CCBE1: variants seen among roughly 807,000 people sequenced by gnomAD.
CCBE1 encodes collagen and calcium binding EGF domains 1, also known as collagen and calcium-binding EGF domain-containing protein 1.
A neutral mutation model predicts 50.0 loss-of-function variants in CCBE1; 37 were observed. The observed-to-expected ratio is 0.74, with a 90% CI of 0.57 to 0.97. The LOEUF (loss-of-function observed/expected upper bound fraction) is 0.97, where lower values mean the gene tolerates loss of function less well. Ranked by LOEUF, CCBE1 falls within the 50% of genes least tolerant of loss-of-function variation. The pLI is 0.00. For synonymous variants in CCBE1, 234 were observed against 203.7 expected (o/e 1.15, Z -1.27); for missense variants, 538 against 523.8 (o/e 1.03, Z -0.26).
chr18:59,645,051 C>T (rs551164488), intron 2 of CCBE1, among the ~76,000 whole-genome samples: 36 of 152,214 alleles, frequency 2.4e-4, no homozygotes, highest in Admixed American at 1.9e-3. Context: ...GTCAGGAGAT[C>T]GAGACCATCC....
chr18:59,689,419 A>G (rs1156540751), intron 2 of CCBE1, among the ~76,000 whole-genome samples: 2 of 152,226 alleles, frequency 1.3e-5, no homozygotes, highest in African/African-American at 4.8e-5. Flanking sequence ...AGGTGGCAAC[A>G]TATTCATCCA....
chr18:59,667,153 C>T (rs1312916081), intron 2 of CCBE1, among the ~76,000 whole-genome samples: 3 of 151,966 alleles, frequency 2.0e-5, no homozygotes, highest in African/African-American at 7.3e-5. Flanking sequence ...TCTATAGTCC[C>T]AGCTACCCAG....
At position 59,694,362 on chromosome 18, in the gene CCBE1, CT is replaced by C. The variant is rs1382109978; in HGVS notation, c.212+2266del. 2.0e-5 allele frequency among the ~76,000 whole-genome samples: 3 copies of C among 152,296 alleles called. No homozygotes were observed. The East Asian group carries it at 5.8e-4, about 29-fold the overall frequency. On this transcript the variant is annotated intron_variant, in intron 2 of 10. Transcript: ENST00000439986. ...ATTCAAAGTAACCTTTAAAGACTGG[CT>C]TCCTGGAATGCTGGTTCTTTATCTC...
At chr18:59,469,388 G>T in intron 4 of CCBE1, 85 bp downstream of exon 4, 1 of 1,558,418 alleles carries the variant, frequency 6.4e-7, no homozygotes. Flanking sequence ...CAACAAGTAT[G>T]AGAACTGAAG....
chr18:59,656,407 T>C (rs1256772037), intron 2 of CCBE1, among the ~76,000 whole-genome samples: 2 of 152,246 alleles, frequency 1.3e-5, no homozygotes, highest in Non-Finnish European at 2.9e-5. Flanking sequence ...TTTTATTAAA[T>C]CTTAGGAGAG....
At chr18:59,547,310 T>TC in intron 2 of CCBE1, among the ~76,000 whole-genome samples, 1 of 152,138 alleles carries the variant, frequency 6.6e-6, no homozygotes, top group Non-Finnish European at 1.5e-5. Context: ...CAGTCATAGA[T>TC]CTGGAGTTCG....
At chr18:59,450,782 G>A (rs1460933675) in intron 6 of CCBE1, among the ~76,000 whole-genome samples, 2 of 152,168 alleles carry the variant, frequency 1.3e-5, no homozygotes, top group South Asian at 2.1e-4. Flanking sequence ...TGATCCGCCC[G>A]CCTTGGCTTC....
chr18:59,448,025 G>A lies in CCBE1; in HGVS notation c.733C>T (p.Leu245Phe), dbSNP rs761011754. Residue 245 changes from leucine to phenylalanine, a missense_variant, in exon 7 of 11, where the codon CTT becomes TTT. Coordinates refer to ENST00000439986, the MANE Select transcript of CCBE1 (RefSeq NM_133459.4). ...GDKVLASNTY[L>F]PGPPGLPGGQ... ...CCAGGCAGGCCAGGAGGTCCTGGAA[G>A]GTAGGTGTTTGAGGCCAGCACCTTG... 6.8e-6 allele frequency: 11 copies of A among 1,614,218 alleles called. No homozygotes were observed. Among genetic ancestry groups the A allele is most frequent in the Non-Finnish European group, 8.5e-7 (1 of 1,180,044 alleles).
At chr18:59,498,342 T>C (rs534067350) in intron 2 of CCBE1, among the ~76,000 whole-genome samples, 1 of 152,322 alleles carries the variant, frequency 6.6e-6, no homozygotes, top group Admixed American at 6.5e-5. Context: ...TTGATTTGGG[T>C]GTTAATCAGA....
chr18:59,440,286 T>C (rs981510620), intron 7 of CCBE1, among the ~76,000 whole-genome samples: 3 of 152,206 alleles, frequency 2.0e-5, no homozygotes, highest in Non-Finnish European at 2.9e-5. Flanking sequence ...GCCTGAGCCA[T>C]CTGAGCTTTA....
Position 59,697,336 on chromosome 18 carries a change from G to A in CCBE1, c.7C>T (p.Pro3Ser). Residue 3 changes from proline (P) to serine (S), a missense_variant, in exon 1 of 11, where the codon CCG becomes TCG. By Grantham distance (74) the Pro-to-Ser change is moderately conservative. Coordinates refer to ENST00000439986, the MANE Select transcript of CCBE1 (RefSeq NM_133459.4). ...GCTCCTCCCCGGCTCGGAGGCGGCG[G>A]CACCATCAGGGAAGCTCCCGGCTTC... is the stretch of plus-strand genomic sequence containing the variant. MVPPPPSRGGAAR... is the reference protein window; with the variant it reads MVSPPPSRGGAAR... 1.3e-6 allele frequency: 2 copies of A among 1,547,396 alleles called. No homozygotes were observed. Among genetic ancestry groups the A allele is most frequent in the Non-Finnish European group, 1.7e-6 (2 of 1,146,830 alleles).
At chr18:59,616,877 G>A (rs1041231979) in intron 2 of CCBE1, among the ~76,000 whole-genome samples, 1 of 152,212 alleles carries the variant, frequency 6.6e-6, no homozygotes, top group African/African-American at 2.4e-5. Flanking sequence ...ACTGTGTCAT[G>A]TTGGGCAAGT....
At chr18:59,543,844 A>AAAC (rs1555690328) in intron 2 of CCBE1, among the ~76,000 whole-genome samples, 7 of 147,480 alleles carry the variant, frequency 4.7e-5, no homozygotes, top group African/African-American at 1.0e-4. Context: ...CAAAAAAAAA[A>AAAC]AAAAAAAAAA....
chr18:59,451,127 G>C (rs982468127), intron 6 of CCBE1, among the ~76,000 whole-genome samples: 1 of 152,090 alleles, frequency 6.6e-6, no homozygotes. Flanking sequence ...AATCCTCTCC[G>C]TAGTGTTTTG....
chr18:59,557,424 C>A (rs1386977638), intron 2 of CCBE1, among the ~76,000 whole-genome samples: 1 of 152,104 alleles, frequency 6.6e-6, no homozygotes, highest in Non-Finnish European at 1.5e-5. Flanking sequence ...GGCCGATTCT[C>A]ACTGACTTCC....
intron 2 of CCBE1, among the ~76,000 whole-genome samples, chr18:59,523,010 AAAAT>A (rs1159599960): frequency 6.6e-6 from 1 of 151,130 alleles, no homozygotes; most frequent in African/African-American, 2.4e-5. Flanking sequence ...AAAAAAAAAA[AAAAT>A]TCTCAATGTT....
intron 2 of CCBE1, among the ~76,000 whole-genome samples, chr18:59,550,837 C>G (rs1915884644): frequency 6.6e-6 from 1 of 151,456 alleles, no homozygotes; most frequent in Non-Finnish European, 1.5e-5. Flanking sequence ...AACCCAGTCT[C>G]TACTAAAAAT....
chr18:59,603,929 T>C (rs1408421521), intron 2 of CCBE1, among the ~76,000 whole-genome samples: 3 of 152,216 alleles, frequency 2.0e-5, no homozygotes, highest in Non-Finnish European at 4.4e-5. Context: ...TGTTTCCATA[T>C]CCAAAAGGGA....
chr18:59,480,271 A>G (rs2143771390), intron 2 of CCBE1, 33 bp from the exon 3 acceptor site: 2 of 1,430,976 alleles, frequency 1.4e-6, no homozygotes, highest in Middle Eastern at 1.8e-4. Flanking sequence ...AAATATAATA[A>G]TTAGGCTAAA....
Sources: allele counts gnomAD v4.1 joint callset (sites outside exome capture counted in the v4.1 genomes callset), GRCh38; gene constraint gnomAD v4.1.1; transcripts MANE v1.5; gene names NCBI Gene and HGNC (gene_info 2026-07-23, HGNC 2026-07-21).